Variants in F13B observed in about 807,000 individuals in gnomAD.
F13B encodes the protein TGase.
Under a neutral mutation model 79.8 loss-of-function variants are expected in F13B, and 58 were observed. The observed-to-expected ratio is 0.73, with a 90% CI of 0.59 to 0.90. The LOEUF (loss-of-function observed/expected upper bound fraction) is 0.90, where lower values mean the gene tolerates loss of function less well. F13B is among the 40% of genes least tolerant of loss of function. The pLI is 0.00. For synonymous variants in F13B, 283 were observed against 260.3 expected (o/e 1.09, Z -0.84); for missense variants, 773 against 777.0 (o/e 0.99, Z 0.06).
At chr1:197,051,526 T>C (rs1655438548) in intron 9 of F13B, among the ~76,000 whole-genome samples, 1 of 152,118 alleles carries the variant, frequency 6.6e-6, no homozygotes, top group South Asian at 2.1e-4. Flanking sequence ...CTTTACAGTG[T>C]TTGTTGTTGA....
intron 1 of F13B, 84 bp downstream of exon 1, chr1:197,067,076 G>A: frequency 1.5e-6 from 1 of 664,500 alleles, no homozygotes; most frequent in South Asian, 2.3e-5. Flanking sequence ...AAATAGAAGA[G>A]TATATTAAAA....
chr1:197,046,281 A>C (rs1327716843), intron 10 of F13B, among the ~76,000 whole-genome samples: 1 of 152,210 alleles, frequency 6.6e-6, no homozygotes. Flanking sequence ...GTCTCAGCCC[A>C]AAATCTCCTT....
chr1:197,044,843 G>A (rs1231016176), intron 10 of F13B, among the ~76,000 whole-genome samples: 1 of 152,032 alleles, frequency 6.6e-6, no homozygotes, highest in East Asian at 1.9e-4. Flanking sequence ...TAGAACTCAG[G>A]ATTAAGAAAC....
Position 197,060,464 on chromosome 1 carries a change from A to G in F13B, c.707T>C (p.Val236Ala). ...PVKQTYEEGD[V>A]VQFFCHENYY... ...ATTTTCATGACAGAAAAACTGAACG[A>G]CATCTCCTTCTTCATAGGTTTGCTT... The change falls in exon 5 of 12, where the codon GTC becomes GCC. Residue 236 changes from valine (V) to alanine (A), a missense_variant. Val to Ala is a moderately conservative substitution (Grantham distance 64). Coordinates refer to ENST00000367412, the MANE Select transcript of F13B (RefSeq NM_001994.3). 1 of 1,609,006 alleles carries G rather than the reference A, an allele frequency of 6.2e-7. No individual in the cohort carries two copies. Among genetic ancestry groups the G allele is most frequent in the Non-Finnish European group, 8.5e-7 (1 of 1,176,762 alleles).
Position 197,062,969 on chromosome 1 carries a change from T to G in F13B, c.153A>C (p.Ile51=). ...TFKSFYFPMS[I]DKKLSFFCLA... The stretch of plus-strand genomic sequence containing the variant: ...AGCAGAAAAATGACAATTTTTTGTC[T>G]ATGCTCATTGGAAAGTAAAAGCTTT... Residue 51 remains isoleucine, a synonymous_variant, in exon 2 of 12, where the codon ATA becomes ATC. Transcript: ENST00000367412. 1 of 1,613,868 alleles carries G rather than the reference T, an allele frequency of 6.2e-7. No individual in the cohort carries two copies. Among genetic ancestry groups the G allele is most frequent in the Non-Finnish European group, 8.5e-7 (1 of 1,179,802 alleles).
At chr1:197,053,386 CT>C (rs984344571) in intron 8 of F13B, among the ~76,000 whole-genome samples, 32 of 152,140 alleles carry the variant, frequency 2.1e-4, no homozygotes, top group African/African-American at 7.7e-4. Context: ...TGGGGTGGGT[CT>C]TTCCCATGCT....
intron 10 of F13B, among the ~76,000 whole-genome samples, chr1:197,048,952 A>G (rs1655341510): frequency 6.6e-6 from 1 of 152,042 alleles, no homozygotes; most frequent in South Asian, 2.1e-4. Context: ...AGAAATCAGT[A>G]ACCAAAAGAA....
At chr1:197,049,473 T>C (rs1404539205) in intron 10 of F13B, among the ~76,000 whole-genome samples, 1 of 152,054 alleles carries the variant, frequency 6.6e-6, no homozygotes, top group Non-Finnish European at 1.5e-5. Flanking sequence ...TGTTAGTAGA[T>C]TTGACAATGT....
intron 3 of F13B, 59 bp downstream of exon 3, chr1:197,061,725 T>C: frequency 7.3e-7 from 1 of 1,360,566 alleles, no homozygotes; most frequent in South Asian, 1.2e-5. Context: ...TAAGCTTCAA[T>C]ATATTCAATA....
chr1:197,058,946 GCCATT>G (rs1655744856), intron 5 of F13B, among the ~76,000 whole-genome samples: 2 of 152,268 alleles, frequency 1.3e-5, no homozygotes, highest in South Asian at 4.1e-4. Context: ...AAGTAGGTCT[GCCATT>G]TATTTTTGAA....
chr1:197,040,725 T>C lies in F13B; in HGVS notation c.1749A>G (p.Thr583=). The change falls in exon 11 of 12, where the codon ACA becomes ACG. Residue 583 remains threonine (T), a synonymous_variant. Coordinates refer to ENST00000367412, the MANE Select transcript of F13B (RefSeq NM_001994.3). ...TCTTTTCCATTTCAGTAAAAGATAA[T>C]GTGCATGGCTCTGGGAACAACAATT... is the stretch of plus-strand genomic sequence containing the variant. ...TTPPLCLEPC[T]LSFTEMEKNN... 1 of 1,609,070 alleles carries C rather than the reference T, an allele frequency of 6.2e-7. No individual in the cohort carries two copies. Among genetic ancestry groups the C allele is most frequent in the Non-Finnish European group, 8.5e-7 (1 of 1,176,408 alleles).
intron 1 of F13B, among the ~76,000 whole-genome samples, chr1:197,063,950 A>G (rs1207032963): frequency 6.6e-6 from 1 of 152,176 alleles, no homozygotes; most frequent in East Asian, 1.9e-4. Flanking sequence ...CTCATAAAAA[A>G]TTTTGAAATA....
intron 8 of F13B, among the ~76,000 whole-genome samples, chr1:197,054,584 A>G (rs998302822): frequency 9.2e-5 from 14 of 151,592 alleles, no homozygotes; most frequent in African/African-American, 3.4e-4. Flanking sequence ...GGATAAAATA[A>G]TTTATATATA....
chr1:197,060,031 T>C (rs1033072578), intron 5 of F13B, among the ~76,000 whole-genome samples: 3 of 152,100 alleles, frequency 2.0e-5, no homozygotes, highest in Admixed American at 2.0e-4. Context: ...AGAGAAAATA[T>C]CCTTGCAAAG....
chr1:197,057,517 T>A (rs755688486), intron 5 of F13B, 52 bp from the exon 6 acceptor site: 1 of 1,533,104 alleles, frequency 6.5e-7, no homozygotes, highest in Non-Finnish European at 8.9e-7. Context: ...CAAAAAATAA[T>A]AAAGATTAAA....
intron 10 of F13B, among the ~76,000 whole-genome samples, chr1:197,048,679 G>A (rs536564573): frequency 1.3e-5 from 2 of 152,192 alleles, no homozygotes; most frequent in African/African-American, 4.8e-5. Flanking sequence ...AATGCCAAGT[G>A]AGACTTTAAC....
chr1:197,046,673 T>C (rs1655244648), intron 10 of F13B, among the ~76,000 whole-genome samples: 1 of 152,168 alleles, frequency 6.6e-6, no homozygotes, highest in African/African-American at 2.4e-5. Context: ...TTAAAATTCA[T>C]ATGGAACCAA....
At chr1:197,060,565 A>C in intron 4 of F13B, 23 bp from the exon 5 acceptor site, 5 of 1,476,004 alleles carry the variant, frequency 3.4e-6, no homozygotes, top group Non-Finnish European at 4.7e-6. Flanking sequence ...GAATGAATAA[A>C]ATTACAAACA....
chr1:197,054,941 G>A (rs1655580608), intron 8 of F13B, among the ~76,000 whole-genome samples: 1 of 151,906 alleles, frequency 6.6e-6, no homozygotes, highest in Admixed American at 6.6e-5. Context: ...AGATTTACTT[G>A]AAAGTGTACT....
Sources: allele counts gnomAD v4.1 joint callset (sites outside exome capture counted in the v4.1 genomes callset), GRCh38; gene constraint gnomAD v4.1.1; transcripts MANE v1.5; gene names NCBI Gene and HGNC (gene_info 2026-07-23, HGNC 2026-07-21).